The following MTUS2 variants were observed in gnomAD, a reference collection of about 807,000 sequenced individuals.
The protein encoded by MTUS2 is microtubule associated scaffold protein 2.
Under a neutral mutation model 114.1 loss-of-function variants are expected in MTUS2, and 40 were observed. That is an observed-to-expected ratio of 0.35 (90% CI 0.27 to 0.46). The LOEUF is 0.46. MTUS2 is among the 20% of genes least tolerant of loss of function. The pLI, the probability that MTUS2 is intolerant of heterozygous loss-of-function variation, is 1.00. For missense variants in MTUS2, 1,679 were observed against 1,705.4 expected (o/e 0.98, Z 0.27); for synonymous variants, 688 against 672.0 (o/e 1.02, Z -0.37).
At chr13:29,262,961 T>G (rs1044572385) in intron 5 of MTUS2, among the ~76,000 whole-genome samples, 7 of 152,204 alleles carry the variant, frequency 4.6e-5, no homozygotes, top group Non-Finnish European at 8.8e-5. Flanking sequence ...TCCCAGGCAC[T>G]TTGTAAAGTG....
intron 4 of MTUS2, among the ~76,000 whole-genome samples, chr13:29,053,392 G>A (rs143125146): frequency 1.3e-5 from 2 of 152,292 alleles, no homozygotes; most frequent in African/African-American, 4.8e-5. Context: ...TTATCAGCAA[G>A]ATGACAGAGC....
chr13:29,213,642 A>G (rs141447923), intron 5 of MTUS2, among the ~76,000 whole-genome samples: 165 of 152,324 alleles, frequency 1.1e-3, no homozygotes, highest in African/African-American at 3.5e-3. Context: ...CATTGTTAAT[A>G]GAGCCACTTT....
At chr13:29,109,534 C>T (rs1387685701) in intron 5 of MTUS2, among the ~76,000 whole-genome samples, 2 of 152,200 alleles carry the variant, frequency 1.3e-5, no homozygotes, top group East Asian at 1.9e-4. Context: ...TGCCTGGGCT[C>T]ACATCCCACC....
At chr13:28,830,405 A>G (rs1874584855) in intron 1 of MTUS2, among the ~76,000 whole-genome samples, 1 of 152,212 alleles carries the variant, frequency 6.6e-6, no homozygotes, top group African/African-American at 2.4e-5. Flanking sequence ...GAATTAAAGT[A>G]GAAAAATGAT....
chr13:28,879,932 G>A (rs1878187830), intron 2 of MTUS2, among the ~76,000 whole-genome samples: 1 of 152,096 alleles, frequency 6.6e-6, no homozygotes, highest in South Asian at 2.1e-4. Context: ...AGAAGTTGAG[G>A]GTATTTGTGC....
At chr13:29,098,170 G>T (rs1213059999) in intron 4 of MTUS2, among the ~76,000 whole-genome samples, 1 of 152,128 alleles carries the variant, frequency 6.6e-6, no homozygotes, top group African/African-American at 2.4e-5. Context: ...GACTTATACT[G>T]TGGGCTAAAT....
At chr13:29,366,753 G>A (rs1205098001) in intron 8 of MTUS2, among the ~76,000 whole-genome samples, 4 of 152,188 alleles carry the variant, frequency 2.6e-5, no homozygotes, top group East Asian at 1.9e-4. Flanking sequence ...ACCACCAAGT[G>A]CAAAGAGAGA....
chr13:28,934,150 T>C (rs1881767824), intron 2 of MTUS2, among the ~76,000 whole-genome samples: 1 of 152,222 alleles, frequency 6.6e-6, no homozygotes. Context: ...GTAAATCTAT[T>C]GTACATGCTT....
intron 5 of MTUS2, among the ~76,000 whole-genome samples, chr13:29,174,766 G>C (rs1158475428): frequency 6.6e-6 from 1 of 152,074 alleles, no homozygotes; most frequent in Admixed American, 6.6e-5. Flanking sequence ...TAAATGGAAG[G>C]GTTTGTCCCT....
intron 8 of MTUS2, among the ~76,000 whole-genome samples, chr13:29,375,871 A>T (rs1160764472): frequency 6.6e-6 from 1 of 151,370 alleles, no homozygotes; most frequent in African/African-American, 2.4e-5. Flanking sequence ...CGAGGGATGA[A>T]ATACTACATA....
chr13:29,136,385 T>C (rs1891977866), intron 5 of MTUS2, among the ~76,000 whole-genome samples: 2 of 152,200 alleles, frequency 1.3e-5, no homozygotes, highest in African/African-American at 4.8e-5. Context: ...GTCTTTTGCA[T>C]GTTAATGAGA....
chr13:29,192,714 T>TA, intron 5 of MTUS2, among the ~76,000 whole-genome samples: 1 of 152,284 alleles, frequency 6.6e-6, no homozygotes, highest in East Asian at 1.9e-4. Flanking sequence ...ATGATTCGCC[T>TA]AAAAAAAGAA....
intron 5 of MTUS2, among the ~76,000 whole-genome samples, chr13:29,246,719 A>G (rs996247074): frequency 1.3e-5 from 2 of 152,220 alleles, no homozygotes; most frequent in Non-Finnish European, 2.9e-5. Context: ...AGCCCTCCAC[A>G]AGGAAAACTA....
intron 9 of MTUS2, among the ~76,000 whole-genome samples, chr13:29,459,608 A>G (rs573267144): frequency 4.0e-4 from 61 of 152,280 alleles, no homozygotes; most frequent in African/African-American, 1.2e-3. Flanking sequence ...TTCCTCCAGC[A>G]GGAACACCAG....
chr13:29,062,095 G>A (rs370151531), intron 4 of MTUS2, among the ~76,000 whole-genome samples: 106 of 152,136 alleles, frequency 7.0e-4, no homozygotes, highest in African/African-American at 2.5e-3. Context: ...AGCAATTCTC[G>A]TGCCTCAGCC....
intron 8 of MTUS2, among the ~76,000 whole-genome samples, chr13:29,380,017 C>T (rs1203845010): frequency 6.6e-6 from 1 of 152,194 alleles, no homozygotes; most frequent in Admixed American, 6.5e-5. Flanking sequence ...GATGAGGCCC[C>T]AGGGCTGTAA....
intron 9 of MTUS2, among the ~76,000 whole-genome samples, chr13:29,459,322 GTCA>G (rs1409968135): frequency 6.6e-6 from 1 of 152,300 alleles, no homozygotes; most frequent in African/African-American, 2.4e-5. Flanking sequence ...TGATCAGGGA[GTCA>G]TCATCAGCTC....
rs150293974 is a variant in MTUS2, at chr13:29,042,753, C to T, written c.2446+8628C>T. Reference sequence around the variant, plus strand: ...CTCTAGATTTTCTACTATGTGCATGCAAAGGTGTTCATAGTAGCCTGGAAT... The same window carrying T: ...CTCTAGATTTTCTACTATGTGCATGTAAAGGTGTTCATAGTAGCCTGGAAT... On this transcript the variant is annotated intron_variant, in intron 4 of 15. Transcript: ENST00000612955. Among the ~76,000 whole-genome samples the T allele has an allele frequency of 2.3e-3, 353 of 152,148 alleles. 9 individuals are homozygous for T. The highest frequency in any genetic ancestry group is 8.1e-3 in the East Asian group (42 of 5,178).
At chr13:28,902,031 G>T (rs1593284751) in intron 2 of MTUS2, among the ~76,000 whole-genome samples, 1 of 152,120 alleles carries the variant, frequency 6.6e-6, no homozygotes, top group East Asian at 1.9e-4. Context: ...AAACTTTTCA[G>T]CTTGAAGTTT....
Sources: gnomAD v4.1 joint callset for allele counts (sites outside exome capture counted in the v4.1 genomes callset) on GRCh38, gnomAD v4.1.1 for gene constraint, MANE v1.5 for transcripts, NCBI Gene and HGNC (gene_info 2026-07-23, HGNC 2026-07-21) for gene names.